Variants in EPHB1 observed in about 807,000 individuals in gnomAD.
EPHB1 encodes the protein ephrin type-B receptor 1.
In EPHB1, 30 loss-of-function variants were observed where a neutral mutation model predicts 94.4. That is an observed-to-expected ratio of 0.32 (90% CI 0.24 to 0.43). The LOEUF (loss-of-function observed/expected upper bound fraction) is 0.43, where lower values mean the gene tolerates loss of function less well. Ranked by LOEUF, EPHB1 falls within the 20% of genes least tolerant of loss-of-function variation. EPHB1 has a pLI of 1.00. For missense variants in EPHB1, 1,055 were observed against 1,308.3 expected, an observed-to-expected ratio of 0.81 and a Z score of 2.99; for synonymous variants, 522 against 489.1, an observed-to-expected ratio of 1.07 and a Z score of -0.89.
chr3:135,100,618 T>C (rs1939001717), intron 3 of EPHB1, among the ~76,000 whole-genome samples: 1 of 152,198 alleles, frequency 6.6e-6, no homozygotes. Flanking sequence ...ACTTAATCTG[T>C]TTCTTTATAA....
chr3:134,818,287 A>T (rs1460378595), intron 1 of EPHB1, among the ~76,000 whole-genome samples: 1 of 152,104 alleles, frequency 6.6e-6, no homozygotes, highest in Non-Finnish European at 1.5e-5. Flanking sequence ...CCTGTTTAAG[A>T]GGCTGACAGG....
chr3:135,160,002 C>T (rs1425957783), intron 6 of EPHB1, among the ~76,000 whole-genome samples: 1 of 152,202 alleles, frequency 6.6e-6, no homozygotes, highest in East Asian at 1.9e-4. Context: ...CCCTCAGTCA[C>T]TCTGCATCTC....
intron 3 of EPHB1, among the ~76,000 whole-genome samples, chr3:135,074,228 G>T (rs1162010707): frequency 6.6e-6 from 1 of 152,172 alleles, no homozygotes; most frequent in African/African-American, 2.4e-5. Context: ...ATAATGAGTT[G>T]TTCTCTACAT....
chr3:134,809,081 A>G (rs17695812), intron 1 of EPHB1, among the ~76,000 whole-genome samples: 18,439 of 152,270 alleles, frequency 0.12, 1,218 homozygotes, highest in Middle Eastern at 0.2. Flanking sequence ...CACTATTTCA[A>G]TCATGGCCTA....
At chr3:135,053,804 T>C (rs902635268) in intron 3 of EPHB1, among the ~76,000 whole-genome samples, 18 of 152,080 alleles carry the variant, frequency 1.2e-4, no homozygotes, top group East Asian at 1.9e-4. Flanking sequence ...CCAAGCAACA[T>C]AGTGAGACCA....
At chr3:135,243,151 G>A (rs1943835129) in intron 13 of EPHB1, among the ~76,000 whole-genome samples, 1 of 151,026 alleles carries the variant, frequency 6.6e-6, no homozygotes, top group African/African-American at 2.4e-5. Flanking sequence ...ACCTTAATCT[G>A]ACTAAGAACA....
intron 3 of EPHB1, among the ~76,000 whole-genome samples, chr3:135,068,812 C>G (rs1005020362): frequency 4.6e-5 from 7 of 151,476 alleles, no homozygotes; most frequent in African/African-American, 1.7e-4. Flanking sequence ...CCACACCTGA[C>G]TAATTTTTTG....
chr3:134,928,465 T>G (rs1025805801), intron 2 of EPHB1, among the ~76,000 whole-genome samples: 1 of 152,214 alleles, frequency 6.6e-6, no homozygotes, highest in African/African-American at 2.4e-5. Flanking sequence ...CATTGGCAGC[T>G]TACACCTAGT....
At chr3:134,946,292 G>A (rs1248392916) in intron 2 of EPHB1, among the ~76,000 whole-genome samples, 4 of 152,042 alleles carry the variant, frequency 2.6e-5, no homozygotes, top group Admixed American at 6.5e-5. Flanking sequence ...ACTCATCAGC[G>A]ACTTCTAGTT....
intron 1 of EPHB1, among the ~76,000 whole-genome samples, chr3:134,808,035 T>C (rs993796266): frequency 1.3e-5 from 2 of 152,196 alleles, no homozygotes; most frequent in Non-Finnish European, 2.9e-5. Flanking sequence ...GAAAGTCTGG[T>C]TGATGAAGTT....
At chr3:134,829,238 G>T (rs922494265) in intron 1 of EPHB1, among the ~76,000 whole-genome samples, 1 of 152,148 alleles carries the variant, frequency 6.6e-6, no homozygotes, top group Non-Finnish European at 1.5e-5. Flanking sequence ...TTGAGATGCT[G>T]GGCAAGTGTG....
At chr3:134,909,713 G>C (rs1185496108) in intron 1 of EPHB1, among the ~76,000 whole-genome samples, 1 of 152,174 alleles carries the variant, frequency 6.6e-6, no homozygotes, top group African/African-American at 2.4e-5. Flanking sequence ...TCAGGAAAAG[G>C]ATAGGGAGTC....
intron 9 of EPHB1, among the ~76,000 whole-genome samples, chr3:135,178,533 C>T (rs1041440136): frequency 9.9e-5 from 15 of 151,698 alleles, no homozygotes; most frequent in Non-Finnish European, 2.2e-4. Flanking sequence ...ACACTCTAGT[C>T]TAATTTCCAG....
chr3:135,201,602 C>A lies in EPHB1; in HGVS notation c.2259C>A (p.Asn753Lys). ...TGGCTGCTAGGAACATTCTGGTCAACAGTAACCTGGTGTGCAAGGTGTCCG... is the reference window on the plus strand; with the variant it reads ...TGGCTGCTAGGAACATTCTGGTCAAAAGTAACCTGGTGTGCAAGGTGTCCG... ...RDLAARNILV[N>K]SNLVCKVSDF... The change falls in exon 12 of 16, where the codon AAC becomes AAA. Residue 753 changes from asparagine (N) to lysine (K), a missense_variant. Asn to Lys is a moderately conservative substitution (Grantham distance 94, BLOSUM62 0). Coordinates refer to ENST00000398015, the MANE Select transcript of EPHB1 (RefSeq NM_004441.5). 1 of 1,614,050 alleles carries A rather than the reference C, an allele frequency of 6.2e-7. No individual in the cohort carries two copies. The highest frequency in any genetic ancestry group is 8.5e-7 in the Non-Finnish European group (1 of 1,180,010).
At chr3:135,108,018 A>G (rs1939288152) in intron 4 of EPHB1, among the ~76,000 whole-genome samples, 1 of 152,170 alleles carries the variant, frequency 6.6e-6, no homozygotes, top group Non-Finnish European at 1.5e-5. Context: ...AGGATGCTGA[A>G]TCACTGCTCC....
At chr3:135,035,879 G>T (rs761125033) in intron 3 of EPHB1, among the ~76,000 whole-genome samples, 1 of 149,084 alleles carries the variant, frequency 6.7e-6, no homozygotes. Flanking sequence ...GACAAGTTTG[G>T]TCCATAGGGT....
chr3:135,118,508 T>TTATTGAGCAGCAAAGCCCGTATTTCCTTC (rs1939805905), intron 4 of EPHB1, among the ~76,000 whole-genome samples: 2 of 152,136 alleles, frequency 1.3e-5, no homozygotes, highest in Non-Finnish European at 2.9e-5. Flanking sequence ...AGTTTCCACC[T>TTATTGAGCAGCAAAGCCCGTATTTCCTTC]TATTGAGCAG....
At chr3:135,012,117 T>G (rs1935640803) in intron 3 of EPHB1, among the ~76,000 whole-genome samples, 1 of 152,210 alleles carries the variant, frequency 6.6e-6, no homozygotes, top group Non-Finnish European at 1.5e-5. Flanking sequence ...TGCCTTGTCC[T>G]GAAGGAATCA....
chr3:135,148,097 TC>T (rs1398933542), intron 5 of EPHB1, among the ~76,000 whole-genome samples: 7 of 152,236 alleles, frequency 4.6e-5, no homozygotes, highest in Non-Finnish European at 8.8e-5. Flanking sequence ...GGCACAAAAA[TC>T]AACTAAAAGA....
Sources: gnomAD v4.1 joint callset for allele counts (sites outside exome capture counted in the v4.1 genomes callset) on GRCh38, gnomAD v4.1.1 for gene constraint, MANE v1.5 for transcripts, NCBI Gene and HGNC (gene_info 2026-07-23, HGNC 2026-07-21) for gene names.